The following MSI2 variants were observed in gnomAD, a reference collection of about 807,000 sequenced individuals.
MSI2 encodes musashi RNA binding protein 2.
MSI2 carries 17 observed loss-of-function variants against 45.6 expected under a neutral mutation model. The ratio of observed to expected loss-of-function variants is 0.37; its 90% CI spans 0.26 to 0.56. The LOEUF is 0.56. MSI2 is among the 20% of genes least tolerant of loss of function. The pLI, the probability that MSI2 is intolerant of heterozygous loss-of-function variation, is 0.77. For synonymous variants in MSI2, 156 were observed against 158.2 expected, an observed-to-expected ratio of 0.99 and a Z score of 0.11; for missense variants, 293 against 444.2, an observed-to-expected ratio of 0.66 and a Z score of 3.06.
chr17:57,538,960 G>T (rs1376522885), intron 7 of MSI2, among the ~76,000 whole-genome samples: 1 of 152,148 alleles, frequency 6.6e-6, no homozygotes, highest in African/African-American at 2.4e-5. Flanking sequence ...TTAGCCTGAA[G>T]CTTACGTCAT....
At chr17:57,585,686 G>A (rs1243686158) in intron 7 of MSI2, among the ~76,000 whole-genome samples, 1 of 152,236 alleles carries the variant, frequency 6.6e-6, no homozygotes, top group Admixed American at 6.5e-5. Context: ...CAGTGGAGTA[G>A]CTGGGGGTAC....
At chr17:57,476,466 C>T (rs935818167) in intron 6 of MSI2, among the ~76,000 whole-genome samples, 3 of 152,224 alleles carry the variant, frequency 2.0e-5, no homozygotes, top group Admixed American at 1.3e-4. Flanking sequence ...TTCTTGCTAC[C>T]TGTATTAGTT....
chr17:57,558,255 C>A (rs1300838922), intron 7 of MSI2, among the ~76,000 whole-genome samples: 1 of 152,136 alleles, frequency 6.6e-6, no homozygotes, highest in African/African-American at 2.4e-5. Flanking sequence ...CACCACGCAG[C>A]CATCCGAGGG....
Position 57,684,649 on chromosome 17 carries a change from A to AT in MSI2, c.*5132_*5133insT, listed in dbSNP as rs540499056. ...GTCCAGAAATCAATGTGTTTGTCTG[A>AT]CAAAAAAAAAAATAAAATAAAATAA... On this transcript the variant is annotated 3_prime_UTR_variant, in exon 14 of 14. Transcript: ENST00000284073. 9.9e-4 allele frequency: 157 copies of AT among 159,250 alleles called. No homozygotes were observed. Among genetic ancestry groups the AT allele is most frequent in the African/African-American group, 3.6e-3 (147 of 41,128 alleles). The allele number at this position is 159,250 out of a possible 1,614,324, so 9.9% of individuals were successfully genotyped here.
chr17:57,337,648 G>A (rs546052595), intron 5 of MSI2, among the ~76,000 whole-genome samples: 1 of 152,264 alleles, frequency 6.6e-6, no homozygotes, highest in African/African-American at 2.4e-5. Flanking sequence ...TTAGCTGGAC[G>A]GTGACTCGGG....
intron 6 of MSI2, among the ~76,000 whole-genome samples, chr17:57,425,374 A>G (rs575398117): frequency 2.0e-5 from 3 of 152,346 alleles, no homozygotes; most frequent in African/African-American, 7.2e-5. Flanking sequence ...GAACTAACAA[A>G]TCCTCTCATC....
At chr17:57,527,117 C>T (rs2086718599) in intron 6 of MSI2, among the ~76,000 whole-genome samples, 1 of 152,174 alleles carries the variant, frequency 6.6e-6, no homozygotes, top group Non-Finnish European at 1.5e-5. Context: ...AGTACCAAAA[C>T]ATGGCCAGCA....
intron 6 of MSI2, among the ~76,000 whole-genome samples, chr17:57,527,719 T>TA (rs1409450812): frequency 2.0e-5 from 3 of 152,214 alleles, no homozygotes; most frequent in Non-Finnish European, 4.4e-5. Flanking sequence ...GGCCCTGACT[T>TA]GAGAAGAGAT....
chr17:57,495,603 C>T (rs1184905772), intron 6 of MSI2, among the ~76,000 whole-genome samples: 2 of 151,028 alleles, frequency 1.3e-5, no homozygotes, highest in South Asian at 4.2e-4. Flanking sequence ...TGACCTGGCT[C>T]TCTTGATATC....
intron 7 of MSI2, among the ~76,000 whole-genome samples, chr17:57,569,641 C>CTAA (rs2087824599): frequency 6.6e-6 from 1 of 152,312 alleles, no homozygotes; most frequent in African/African-American, 2.4e-5. Flanking sequence ...AGCTCCTGAC[C>CTAA]TAATTTCTGG....
intron 5 of MSI2, among the ~76,000 whole-genome samples, chr17:57,298,216 C>A (rs1174746369): frequency 1.3e-5 from 2 of 152,176 alleles, no homozygotes; most frequent in South Asian, 2.1e-4. Context: ...TTGAAATTAC[C>A]CCTGATCCAC....
At chr17:57,644,864 A>T (rs995486348) in intron 10 of MSI2, among the ~76,000 whole-genome samples, 4 of 152,102 alleles carry the variant, frequency 2.6e-5, no homozygotes, top group East Asian at 1.9e-4. Context: ...GAATTCTCTC[A>T]TCTCCTCCTT....
At chr17:57,544,658 C>T (rs2087124488) in intron 7 of MSI2, among the ~76,000 whole-genome samples, 1 of 152,122 alleles carries the variant, frequency 6.6e-6, no homozygotes. Context: ...CGATGAAAAC[C>T]CCCAGTTAAG....
chr17:57,663,861 T>C (rs1379572251), intron 11 of MSI2, among the ~76,000 whole-genome samples: 1 of 152,212 alleles, frequency 6.6e-6, no homozygotes, highest in East Asian at 1.9e-4. Flanking sequence ...GCTGGAGGTT[T>C]ACACTGTGTT....
chr17:57,488,460 C>G (rs1457495919), intron 6 of MSI2, among the ~76,000 whole-genome samples: 3 of 152,102 alleles, frequency 2.0e-5, no homozygotes, highest in Non-Finnish European at 4.4e-5. Context: ...CTTGTTCTTC[C>G]CCTTAGTTTT....
chr17:57,500,939 G>A (rs183169523), intron 6 of MSI2, among the ~76,000 whole-genome samples: 1 of 151,746 alleles, frequency 6.6e-6, no homozygotes, highest in Admixed American at 6.6e-5. Context: ...GTACAGCCTG[G>A]GTGACAAAGT....
intron 8 of MSI2, among the ~76,000 whole-genome samples, chr17:57,606,002 C>T (rs1906530903): frequency 6.6e-6 from 1 of 152,222 alleles, no homozygotes; most frequent in Admixed American, 6.5e-5. Flanking sequence ...GCTGCTGCTG[C>T]CACCATCAGC....
chr17:57,310,814 C>G (rs763440616), intron 5 of MSI2, among the ~76,000 whole-genome samples: 7 of 152,196 alleles, frequency 4.6e-5, no homozygotes, highest in East Asian at 1.9e-4. Flanking sequence ...TAGAGAGGCC[C>G]GAGAGCCTTC....
chr17:57,409,918 G>T (rs1020595505), intron 6 of MSI2, among the ~76,000 whole-genome samples: 3 of 146,702 alleles, frequency 2.0e-5, no homozygotes, highest in Admixed American at 7.1e-5. Flanking sequence ...TGAGGCAGGA[G>T]AATCTCTTGA....
Sources: gnomAD v4.1 joint callset for allele counts (sites outside exome capture counted in the v4.1 genomes callset) on GRCh38, gnomAD v4.1.1 for gene constraint, MANE v1.5 for transcripts, NCBI Gene and HGNC (gene_info 2026-07-23, HGNC 2026-07-21) for gene names.